STK31: variants seen among roughly 807,000 people sequenced by gnomAD.
STK31 encodes the protein serine/threonine-protein kinase 31.
A neutral mutation model predicts 129.7 loss-of-function variants in STK31; 89 were observed. That is an observed-to-expected ratio of 0.69 (90% CI 0.58 to 0.82). The LOEUF is 0.82. STK31 is among the 40% of genes least tolerant of loss of function. The probability of loss-of-function intolerance (pLI) is 0.00; values close to 1 mark genes in which losing one functional copy is unlikely to be tolerated. For synonymous variants in STK31, 448 were observed against 395.3 expected, an observed-to-expected ratio of 1.13 and a Z score of -1.58; for missense variants, 1,187 against 1,176.4, an observed-to-expected ratio of 1.01 and a Z score of -0.13.
At chr7:23,793,331 T>C (rs933101277) in intron 22 of STK31, among the ~76,000 whole-genome samples, 3 of 152,194 alleles carry the variant, frequency 2.0e-5, no homozygotes, top group Non-Finnish European at 4.4e-5. Flanking sequence ...TGACTTTCGA[T>C]TTGGCAAAGA....
intron 8 of STK31, among the ~76,000 whole-genome samples, chr7:23,751,391 G>A (rs1252516227): frequency 8.5e-5 from 13 of 152,092 alleles, no homozygotes; most frequent in Non-Finnish European, 1.9e-4. Context: ...TTTTGTTACT[G>A]ATTTCTAATT....
chr7:23,776,874 A>T (rs957170217), intron 15 of STK31, among the ~76,000 whole-genome samples: 7 of 151,810 alleles, frequency 4.6e-5, no homozygotes, highest in South Asian at 2.1e-4. Flanking sequence ...CTTTTGAATT[A>T]GTTTGTTCTT....
At chr7:23,824,074 A>G (rs187370270) in intron 23 of STK31, among the ~76,000 whole-genome samples, 15,077 of 152,132 alleles carry the variant, frequency 0.099, 1,072 homozygotes, top group African/African-American at 0.2. Flanking sequence ...TTGACTTGGC[A>G]ATGCGGGCTC....
rs888184666 is a variant in STK31, at chr7:23,764,466, A to G, written c.1416+1543A>G. 7.2e-5 allele frequency among the ~76,000 whole-genome samples: 11 copies of G among 152,358 alleles called. No individual in the cohort carries two copies. In the East Asian group the frequency reaches 1.3e-3, roughly 19 times the overall value. ...TCAAGTATCCAAGAAAGATATTTCT[A>G]TAATGAAGGTCAAATAAATGAAAGT... On this transcript the variant is annotated intron_variant, in intron 11 of 23. Transcript: ENST00000355870.
intron 23 of STK31, among the ~76,000 whole-genome samples, chr7:23,816,185 C>T (rs1793461692): frequency 6.6e-6 from 1 of 152,102 alleles, no homozygotes; most frequent in South Asian, 2.1e-4. Context: ...TTGTGTTACA[C>T]TTCCTGATTA....
intron 23 of STK31, among the ~76,000 whole-genome samples, chr7:23,818,088 C>T (rs2128128594): frequency 6.6e-6 from 1 of 151,746 alleles, no homozygotes; most frequent in South Asian, 2.1e-4. Context: ...TTTAAATTTC[C>T]CTAATTGTCT....
chr7:23,719,860 A>G (rs1786583807), intron 4 of STK31, among the ~76,000 whole-genome samples: 1 of 152,146 alleles, frequency 6.6e-6, no homozygotes, highest in African/African-American at 2.4e-5. Context: ...TACTTTCACT[A>G]TACATTGATT....
At chr7:23,720,392 A>G (rs182632156) in intron 4 of STK31, among the ~76,000 whole-genome samples, 2 of 152,246 alleles carry the variant, frequency 1.3e-5, no homozygotes, top group African/African-American at 4.8e-5. Flanking sequence ...GATCATATCT[A>G]CCCTGCTACT....
chr7:23,816,228 C>T (rs1793465252), intron 23 of STK31, among the ~76,000 whole-genome samples: 1 of 152,040 alleles, frequency 6.6e-6, no homozygotes, highest in African/African-American at 2.4e-5. Flanking sequence ...AGAAGGTTGA[C>T]TATGGTTTAC....
intron 11 of STK31, among the ~76,000 whole-genome samples, chr7:23,764,781 T>C (rs1789704112): frequency 1.3e-5 from 2 of 152,168 alleles, no homozygotes; most frequent in Admixed American, 1.3e-4. Context: ...CATTGTTGGG[T>C]GTTAAGGTAT....
intron 22 of STK31, chr7:23,811,164 C>A: frequency 6.0e-6 from 1 of 167,392 alleles, no homozygotes; most frequent in East Asian, 1.7e-4. Context: ...ATTTCTAAAT[C>A]ATCCATAAAG....
chr7:23,721,727 G>T (rs1687606390), intron 4 of STK31: 3 of 768,462 alleles, frequency 3.9e-6, no homozygotes, highest in South Asian at 1.4e-5. Flanking sequence ...CTGCACAAGT[G>T]GAGCAAATGA....
intron 15 of STK31, among the ~76,000 whole-genome samples, chr7:23,779,968 A>G (rs1247495280): frequency 6.6e-6 from 1 of 152,170 alleles, no homozygotes; most frequent in Non-Finnish European, 1.5e-5. Flanking sequence ...CTGGTGATGT[A>G]TGCATCTGAG....
At chr7:23,789,052 T>TA (rs1791465569) in intron 21 of STK31, among the ~76,000 whole-genome samples, 2 of 152,202 alleles carry the variant, frequency 1.3e-5, no homozygotes, top group Non-Finnish European at 2.9e-5. Flanking sequence ...AATGGAATGA[T>TA]ACAATATGTG....
Position 23,737,041 on chromosome 7 carries a change from T to A in STK31, c.980T>A (p.Leu327Ter). The change falls in exon 8 of 24, where the codon TTA becomes TAA. Residue 327 changes from leucine to a stop codon, truncating the protein, a stop_gained. Transcript: ENST00000355870. LOFTEE classifies it high-confidence loss of function. ...GCTCTTCTTGAAAGTTATAAGGCGT[T>A]AGAATTGAAAGTAGAGCAGATTGCC... ...KDALLESYKA[L>*]ELKVEQIAQE... 1 of 1,611,092 alleles carries A rather than the reference T, an allele frequency of 6.2e-7. No individual in the cohort carries two copies. Among genetic ancestry groups the A allele is most frequent in the Non-Finnish European group, 8.5e-7 (1 of 1,179,470 alleles).
intron 22 of STK31, among the ~76,000 whole-genome samples, chr7:23,793,913 C>T (rs1349395681): frequency 6.6e-6 from 1 of 152,102 alleles, no homozygotes; most frequent in Non-Finnish European, 1.5e-5. Flanking sequence ...CATATGTCCA[C>T]ACAAAGATTT....
At chr7:23,773,900 G>T (rs1050059789) in intron 15 of STK31, among the ~76,000 whole-genome samples, 1 of 151,808 alleles carries the variant, frequency 6.6e-6, no homozygotes, top group Non-Finnish European at 1.5e-5. Context: ...TTTACATTAG[G>T]TATTTCTCCT....
chr7:23,752,050 G>T (rs1277447443), intron 8 of STK31, among the ~76,000 whole-genome samples: 1 of 151,978 alleles, frequency 6.6e-6, no homozygotes, highest in Admixed American at 6.6e-5. Context: ...GAGATGGATG[G>T]TGCTGATGAT....
At chr7:23,735,265 A>G (rs542015368) in intron 6 of STK31, among the ~76,000 whole-genome samples, 2 of 152,316 alleles carry the variant, frequency 1.3e-5, no homozygotes, top group South Asian at 4.1e-4. Context: ...GCTGGGTTAA[A>G]AAAAACTATT....
Sources: allele counts gnomAD v4.1 joint callset (sites outside exome capture counted in the v4.1 genomes callset), GRCh38; gene constraint gnomAD v4.1.1; transcripts MANE v1.5; gene names NCBI Gene and HGNC (gene_info 2026-07-23, HGNC 2026-07-21).